INSC: variants seen among roughly 807,000 people sequenced by gnomAD.
The protein encoded by INSC is INSC spindle orientation adaptor protein, also known as protein inscuteable homolog.
Under a neutral mutation model 58.6 loss-of-function variants are expected in INSC, and 67 were observed. The ratio of observed to expected loss-of-function variants is 1.14; its 90% CI spans 0.94 to 1.40. INSC has a LOEUF of 1.40. Ranked by LOEUF, INSC falls within the 40% of genes most tolerant of loss-of-function variation. INSC has a pLI of 0.00. For synonymous variants in INSC, 262 were observed against 276.1 expected, an observed-to-expected ratio of 0.95 and a Z score of 0.51; for missense variants, 714 against 692.0, an observed-to-expected ratio of 1.03 and a Z score of -0.36.
At chr11:15,247,242 A>T (rs549975720), downstream of INSC, 1 of 152,316 alleles carries the variant, frequency 6.6e-6, no homozygotes, top group Non-Finnish European at 1.5e-5. Context: ...TAATGAACCA[A>T]GTCCTGGGCT....
intron 1 of INSC, among the ~76,000 whole-genome samples, chr11:15,147,676 C>T (rs1848528956): frequency 6.6e-6 from 1 of 152,162 alleles, no homozygotes; most frequent in Non-Finnish European, 1.5e-5. Context: ...GTGGTGTCTA[C>T]CCTCAAGAAG....
At chr11:15,139,968 G>A (rs2133723688) in intron 1 of INSC, among the ~76,000 whole-genome samples, 1 of 152,340 alleles carries the variant, frequency 6.6e-6, no homozygotes, top group Non-Finnish European at 1.5e-5. Context: ...CCTCTGATGA[G>A]TAGCTGGTCA....
chr11:15,247,735 A>G (rs555524870), downstream of INSC, among the ~76,000 whole-genome samples: 13 of 49,912 alleles, frequency 2.6e-4, 1 homozygote, highest in South Asian at 2.7e-3. Context: ...GAAATAAGGT[A>G]TATATATATA....
chr11:15,132,236 A>G (rs974282175), intron 1 of INSC, among the ~76,000 whole-genome samples: 5 of 152,164 alleles, frequency 3.3e-5, no homozygotes, highest in Admixed American at 3.3e-4. Context: ...ATTCTATACA[A>G]TATTTTAGAT....
At chr11:15,194,013 G>A (rs1442795887) in intron 6 of INSC, among the ~76,000 whole-genome samples, 2 of 152,270 alleles carry the variant, frequency 1.3e-5, no homozygotes, top group East Asian at 1.9e-4. Context: ...TCTGAAAAAT[G>A]CCTGTAGCCA....
intron 1 of INSC, among the ~76,000 whole-genome samples, chr11:15,125,090 G>T (rs982546849): frequency 2.0e-5 from 3 of 152,184 alleles, no homozygotes; most frequent in African/African-American, 4.8e-5. Flanking sequence ...GAGCTCCAGG[G>T]GTGGGAGGTG....
At chr11:15,132,036 TA>T (rs1290715585) in intron 1 of INSC, among the ~76,000 whole-genome samples, 13 of 152,224 alleles carry the variant, frequency 8.5e-5, no homozygotes, top group Admixed American at 7.9e-4. Flanking sequence ...ATTACTCATT[TA>T]TTTTTTCCTC....
chr11:15,217,987 C>G (rs1851284845), intron 7 of INSC, among the ~76,000 whole-genome samples: 1 of 152,078 alleles, frequency 6.6e-6, no homozygotes, highest in Non-Finnish European at 1.5e-5. Context: ...ACCAATAAAC[C>G]TAAAGATGCG....
At chr11:15,189,272 G>A (rs1213662612) in intron 5 of INSC, among the ~76,000 whole-genome samples, 2 of 152,124 alleles carry the variant, frequency 1.3e-5, no homozygotes, top group East Asian at 3.9e-4. Context: ...GCTTCCACCT[G>A]GCAGGTACCT....
rs545159791 is a variant in INSC at position 15,173,646 on chromosome 11, G to C, written c.57-2095G>C. Among the ~76,000 whole-genome samples, 3 of 151,920 alleles carry C rather than the reference G, an allele frequency of 2.0e-5. No individual in the cohort carries two copies. In the South Asian group the frequency reaches 6.2e-4, roughly 32 times the overall value. ...TGTATGTGTTCACATACATATGCAT[G>C]TATATGTATATGTTCAAATTCTTTA... On this transcript the variant is annotated intron_variant, in intron 2 of 12. Coordinates refer to ENST00000379556, the MANE Select transcript of INSC (RefSeq NM_001042536.3).
At chr11:15,166,126 C>A (rs953845659) in intron 2 of INSC, among the ~76,000 whole-genome samples, 1 of 152,126 alleles carries the variant, frequency 6.6e-6, no homozygotes, top group African/African-American at 2.4e-5. Context: ...ATGTTTTAAA[C>A]CTTGTTGAAC....
chr11:15,259,813 C>T, the INSC span, among the ~76,000 whole-genome samples: 2 of 152,170 alleles, frequency 1.3e-5, no homozygotes, highest in Non-Finnish European at 2.9e-5. Context: ...CCTATGTTTG[C>T]TTTCCCTTAC....
At chr11:15,136,604 A>G (rs1848251029) in intron 1 of INSC, among the ~76,000 whole-genome samples, 1 of 152,206 alleles carries the variant, frequency 6.6e-6, no homozygotes, top group African/African-American at 2.4e-5. Flanking sequence ...GGAGTAGATT[A>G]CATCTCAAGA....
chr11:15,197,315 C>G (rs1337386231), intron 6 of INSC, among the ~76,000 whole-genome samples: 2 of 152,168 alleles, frequency 1.3e-5, no homozygotes, highest in African/African-American at 4.8e-5. Context: ...TCCAGCTCAT[C>G]TTTTCATCCA....
chr11:15,202,183 G>C (rs917514795), intron 7 of INSC, among the ~76,000 whole-genome samples: 2 of 152,028 alleles, frequency 1.3e-5, no homozygotes, highest in African/African-American at 4.8e-5. Flanking sequence ...TTTGGACAGA[G>C]TGCCCGCTTC....
At chr11:15,118,645 A>G (rs1418963747) in intron 1 of INSC, among the ~76,000 whole-genome samples, 2 of 152,184 alleles carry the variant, frequency 1.3e-5, no homozygotes, top group Admixed American at 6.5e-5. Flanking sequence ...TCCTTCCCAG[A>G]AAAGTGTTAT....
the INSC span, among the ~76,000 whole-genome samples, chr11:15,268,596 T>G: frequency 1.3e-5 from 2 of 152,220 alleles, no homozygotes; most frequent in South Asian, 2.1e-4. Flanking sequence ...CAGCAATTCC[T>G]TGACCTATAA....
chr11:15,252,144 T>C (rs1852656362), downstream of INSC, among the ~76,000 whole-genome samples: 1 of 152,172 alleles, frequency 6.6e-6, no homozygotes, highest in East Asian at 1.9e-4. Flanking sequence ...ACATATTGTA[T>C]TGTTCCAAAT....
rs1487189881 is a variant in INSC at position 15,190,807 on chromosome 11, T to G, written c.686T>G (p.Ile229Arg). The change falls in exon 6 of 13, where the codon ATA becomes AGA. Residue 229 changes from isoleucine to arginine, a missense_variant. Coordinates refer to ENST00000379556, the MANE Select transcript of INSC (RefSeq NM_001042536.3). ...GAGGGGGCTCCCTTGTGCCGCATCA[T>G]AGCCAAGGTGAGCTTCATGGTTAGG... ...TQEGAPLCRI[I>R]AKEGGVVALF... The G allele has an allele frequency of 1.9e-6, 3 of 1,611,136 alleles. No homozygotes were observed. The highest frequency in any genetic ancestry group is 1.7e-6 in the Non-Finnish European group (2 of 1,177,438).
Sources: gnomAD v4.1 joint callset for allele counts (sites outside exome capture counted in the v4.1 genomes callset) on GRCh38, gnomAD v4.1.1 for gene constraint, MANE v1.5 for transcripts, NCBI Gene and HGNC (gene_info 2026-07-23, HGNC 2026-07-21) for gene names.